Variants in RTL9 observed in about 807,000 individuals in gnomAD.
RTL9 encodes retrotransposon Gag like 9, also known as retrotransposon Gag-like protein 9.
Under a neutral mutation model 44.7 loss-of-function variants are expected in RTL9, and 19 were observed. That is an observed-to-expected ratio of 0.42 (90% CI 0.30 to 0.62). The LOEUF (loss-of-function observed/expected upper bound fraction) is 0.62, where lower values mean the gene tolerates loss of function less well. Among genes scored for constraint, RTL9 ranks in the 20% least tolerant of loss-of-function variants. The pLI is 0.16. For missense variants in RTL9, 1,105 were observed against 1,080.6 expected (o/e 1.02, Z -0.32); for synonymous variants, 407 against 398.9 (o/e 1.02, Z -0.24).
chrX:110,453,836 A>C (rs1306745766), exon 1 of RTL9: 1 of 1,211,115 alleles, frequency 8.3e-7, no homozygotes, highest in East Asian at 3.0e-5. Flanking sequence ...CCACACCACT[A>C]ATGAGGGCCT....
chrX:110,371,391 G>A (rs1376897304), intron 1 of RTL9, among the ~76,000 whole-genome samples: 2 of 111,857 alleles, frequency 1.8e-5, no homozygotes, highest in Non-Finnish European at 3.8e-5. Flanking sequence ...TACTCACTGA[G>A]TCGCAAACAA....
chrX:110,417,068 C>G (rs1029621806), upstream of RTL9, among the ~76,000 whole-genome samples: 6 of 112,191 alleles, frequency 5.3e-5, no homozygotes, highest in African/African-American at 1.9e-4. Flanking sequence ...TCAGGATAGC[C>G]CCCTTCAAAG....
At chrX:110,386,019 C>G (rs932943635) in intron 1 of RTL9, among the ~76,000 whole-genome samples, 14 of 112,120 alleles carry the variant, frequency 1.2e-4, no homozygotes, top group Admixed American at 1.2e-3. Context: ...TTTTGTTTTT[C>G]CATTTATCAG....
intron 1 of RTL9, among the ~76,000 whole-genome samples, chrX:110,436,570 C>G (rs2068840123): frequency 1.8e-5 from 2 of 112,088 alleles, no homozygotes; most frequent in African/African-American, 6.5e-5. Flanking sequence ...CTCTTTCTTG[C>G]TGAGCAGAGA....
At chrX:110,374,400 C>T (rs1000961242) in intron 1 of RTL9, among the ~76,000 whole-genome samples, 8 of 111,927 alleles carry the variant, frequency 7.1e-5, no homozygotes, top group Non-Finnish European at 1.5e-4. Context: ...GTATTTCTCT[C>T]AATCTGGACA....
At chrX:110,388,977 T>G (rs2068476646) in intron 1 of RTL9, among the ~76,000 whole-genome samples, 1 of 112,375 alleles carries the variant, frequency 8.9e-6, no homozygotes, top group South Asian at 3.7e-4. Flanking sequence ...GTCCAAAGAA[T>G]AAGTATATTT....
chrX:110,450,894 C>A, exon 1 of RTL9: 2 of 1,211,673 alleles, frequency 1.7e-6, no homozygotes, highest in Non-Finnish European at 2.2e-6. Context: ...ACCCCTAATG[C>A]CAGCCTCAGA....
intron 1 of RTL9, among the ~76,000 whole-genome samples, chrX:110,387,842 G>A (rs1013307771): frequency 4.8e-5 from 5 of 103,125 alleles, no homozygotes; most frequent in African/African-American, 7.2e-5. Flanking sequence ...TGATATGATC[G>A]TTATCTCCCT....
At chrX:110,415,734 G>A (rs184381182), upstream of RTL9, among the ~76,000 whole-genome samples, 3 of 111,421 alleles carry the variant, frequency 2.7e-5, no homozygotes, top group Admixed American at 9.5e-5. Context: ...AAGCTGGGCC[G>A]CAAACAAAGA....
intron 1 of RTL9, among the ~76,000 whole-genome samples, chrX:110,439,513 G>A (rs2068864117): frequency 8.9e-6 from 1 of 112,115 alleles, no homozygotes; most frequent in Non-Finnish European, 1.9e-5. Context: ...GCCAGCAGGG[G>A]CTGTGCTCAC....
At chrX:110,398,944 GA>G (rs1479875586) in intron 1 of RTL9, among the ~76,000 whole-genome samples, 3 of 111,869 alleles carry the variant, frequency 2.7e-5, no homozygotes, top group Admixed American at 9.5e-5. Flanking sequence ...TGCTCATTAG[GA>G]AAAAAATGCT....
intron 1 of RTL9, among the ~76,000 whole-genome samples, chrX:110,363,907 G>A (rs1187487577): frequency 1.8e-5 from 2 of 111,825 alleles, no homozygotes; most frequent in Non-Finnish European, 3.8e-5. Flanking sequence ...TTCAAATGAC[G>A]GAACTGAGGC....
chrX:110,447,396 A>G (rs770097963), upstream of RTL9, among the ~76,000 whole-genome samples: 7 of 110,130 alleles, frequency 6.4e-5, no homozygotes, highest in South Asian at 2.8e-3. Flanking sequence ...TGTTGTTGTT[A>G]TTATTACTAC....
At chrX:110,429,674 G>A (rs977053897) in intron 1 of RTL9, among the ~76,000 whole-genome samples, 3 of 109,770 alleles carry the variant, frequency 2.7e-5, no homozygotes, top group African/African-American at 1.0e-4. Context: ...TAGAGATGGG[G>A]TTTCACCATG....
chrX:110,382,881 A>C (rs41482749), intron 1 of RTL9, among the ~76,000 whole-genome samples: 18,533 of 111,229 alleles, frequency 0.17, 2,842 homozygotes, highest in African/African-American at 0.49. Context: ...ATTGAGGCTT[A>C]GATCTGCCCC....
intron 1 of RTL9, among the ~76,000 whole-genome samples, chrX:110,399,897 A>G (rs778797133): frequency 8.9e-6 from 1 of 112,406 alleles, no homozygotes; most frequent in East Asian, 2.8e-4. Flanking sequence ...AAGGCAATGA[A>G]TAAGATAAGG....
chrX:110,413,021 C>T (rs769375799), intron 1 of RTL9, among the ~76,000 whole-genome samples: 5 of 111,928 alleles, frequency 4.5e-5, no homozygotes, highest in Non-Finnish European at 9.4e-5. Context: ...TCCCACCAGG[C>T]TTCACATCCC....
chrX:110,425,601 T>G (rs1276733384), intron 1 of RTL9, among the ~76,000 whole-genome samples: 1 of 113,113 alleles, frequency 8.8e-6, no homozygotes, highest in African/African-American at 3.2e-5. Context: ...CAATAATAGT[T>G]GCCCTATAGT....
intron 1 of RTL9, among the ~76,000 whole-genome samples, chrX:110,389,033 T>C (rs1386488478): frequency 8.9e-6 from 1 of 112,061 alleles, no homozygotes; most frequent in East Asian, 2.8e-4. Flanking sequence ...TCCCAAAATG[T>C]GCACTGTGGA....
Sources: gnomAD v4.1 joint callset for allele counts (sites outside exome capture counted in the v4.1 genomes callset) on GRCh38, gnomAD v4.1.1 for gene constraint, MANE v1.5 for transcripts, NCBI Gene and HGNC (gene_info 2026-07-23, HGNC 2026-07-21) for gene names.